GATAD2A: variants seen among roughly 807,000 people sequenced by gnomAD.
The protein encoded by GATAD2A is GATA zinc finger domain containing 2A.
Under a neutral mutation model 68.5 loss-of-function variants are expected in GATAD2A, and 12 were observed. The ratio of observed to expected loss-of-function variants is 0.18; its 90% CI spans 0.11 to 0.28. The LOEUF (loss-of-function observed/expected upper bound fraction) is 0.28. Among genes scored for constraint, GATAD2A ranks in the 10% least tolerant of loss-of-function variants. The probability of loss-of-function intolerance (pLI) is 1.00; values close to 1 mark genes in which losing one functional copy is unlikely to be tolerated. For missense variants in GATAD2A, 755 were observed against 868.5 expected (o/e 0.87, Z 1.64); for synonymous variants, 410 against 375.3 (o/e 1.09, Z -1.07).
intron 2 of GATAD2A, among the ~76,000 whole-genome samples, chr19:19,481,030 A>AGCT (rs2059021376): frequency 6.6e-6 from 1 of 152,234 alleles, no homozygotes; most frequent in South Asian, 2.1e-4. Context: ...TTGGCGAGGA[A>AGCT]GCTGGCATCT....
intron 1 of GATAD2A, among the ~76,000 whole-genome samples, chr19:19,450,378 C>T (rs1245634509): frequency 6.6e-6 from 1 of 152,182 alleles, no homozygotes; most frequent in Non-Finnish European, 1.5e-5. Context: ...ATAGCGTCTT[C>T]CTGGAAGTGC....
At chr19:19,498,353 A>G in intron 7 of GATAD2A, 90 bp from the exon 8 acceptor site, 4 of 1,185,998 alleles carry the variant, frequency 3.4e-6, no homozygotes, top group Non-Finnish European at 1.2e-6. Context: ...TGGTTAGTGC[A>G]GTTGACAGGA....
intron 2 of GATAD2A, among the ~76,000 whole-genome samples, chr19:19,476,803 G>C (rs1301042439): frequency 6.6e-6 from 1 of 152,190 alleles, no homozygotes; most frequent in African/African-American, 2.4e-5. Flanking sequence ...ACACCCAGGG[G>C]GGCAGTGTTT....
chr19:19,489,357 A>AC, intron 2 of GATAD2A, among the ~76,000 whole-genome samples: 1 of 152,326 alleles, frequency 6.6e-6, no homozygotes, highest in South Asian at 2.1e-4. Context: ...CGTGTCACAA[A>AC]CCGGTTGGAA....
At chr19:19,453,226 G>A (rs992324414) in intron 1 of GATAD2A, among the ~76,000 whole-genome samples, 3 of 152,090 alleles carry the variant, frequency 2.0e-5, no homozygotes, top group African/African-American at 7.2e-5. Flanking sequence ...TGTGATTCTC[G>A]GGCACCTGTG....
In GATAD2A at chr19:19,506,324, C is replaced by T. The variant is rs760501719; in HGVS notation, c.*850C>T. ...CCCATTAAGGGAGAAGGAGAGGATC[C>T]GGTCGGCAGCAGCCCTGAGCAGAAA... On this transcript the variant is annotated 3_prime_UTR_variant, in exon 12 of 12. Coordinates refer to ENST00000683918, the MANE Select transcript of GATAD2A (RefSeq NM_001384528.1). 7 of 397,496 alleles carry T rather than the reference C, an allele frequency of 1.8e-5. No individual in the cohort carries two copies. The highest frequency in any genetic ancestry group is 1.4e-4 in the South Asian group (1 of 7,022). The allele number at this position is 397,496 out of a possible 1,614,324, so 24.6% of individuals were successfully genotyped here. A position where few individuals can be genotyped will look rare whatever the true frequency, so the allele number is the denominator to read the frequency against.
upstream of GATAD2A, among the ~76,000 whole-genome samples, chr19:19,400,887 C>A (rs901618133): frequency 2.6e-5 from 4 of 152,034 alleles, no homozygotes; most frequent in African/African-American, 9.7e-5. Context: ...GTGGCTCCTG[C>A]CTGTAATCCC....
chr19:19,456,766 C>T (rs2056976836), intron 1 of GATAD2A, among the ~76,000 whole-genome samples: 1 of 152,150 alleles, frequency 6.6e-6, no homozygotes, highest in African/African-American at 2.4e-5. Context: ...AGGTCAAGCC[C>T]AAATTGTACA....
intron 1 of GATAD2A, among the ~76,000 whole-genome samples, chr19:19,448,376 A>G (rs992065906): frequency 6.6e-6 from 1 of 152,262 alleles, no homozygotes; most frequent in African/African-American, 2.4e-5. Flanking sequence ...GGCCACTTCA[A>G]GCACGGCCTC....
chr19:19,396,720 C>CT (rs1338012925), intron 1 of GATAD2A, among the ~76,000 whole-genome samples: 2 of 151,774 alleles, frequency 1.3e-5, no homozygotes, highest in South Asian at 2.1e-4. Context: ...TTCTTTCTTT[C>CT]TTTTTTTTGA....
chr19:19,461,737 C>T (rs555336616), intron 1 of GATAD2A, among the ~76,000 whole-genome samples: 1 of 152,366 alleles, frequency 6.6e-6, no homozygotes, highest in South Asian at 2.1e-4. Context: ...GCCCACTCAG[C>T]CTTGCTGGTG....
At chr19:19,432,366 A>G (rs763997703) in intron 1 of GATAD2A, among the ~76,000 whole-genome samples, 46 of 152,200 alleles carry the variant, frequency 3.0e-4, no homozygotes, top group Middle Eastern at 3.4e-3. Context: ...CAGTGGCTCA[A>G]TTTCAGCTCA....
chr19:19,493,866 C>T (rs2059972201), intron 4 of GATAD2A, among the ~76,000 whole-genome samples: 1 of 152,020 alleles, frequency 6.6e-6, no homozygotes, highest in Non-Finnish European at 1.5e-5. Context: ...CTGTCACTGG[C>T]CCTTCTCTAC....
Position 19,465,535 on chromosome 19 carries a change from A to G in GATAD2A, c.190A>G (p.Thr64Ala). ...AGPTQGLLRA[T>A]EATAMAMGRG... ...TCCAACCCAAGGATTGCTGAGGGCA[A>G]CAGAGGCCACGGCCATGGCCATGGG... The change falls in exon 2 of 12, where the codon ACA becomes GCA. Residue 64 changes from threonine (T) to alanine (A), a missense_variant. Thr to Ala is a moderately conservative substitution (Grantham distance 58). Coordinates refer to ENST00000683918, the MANE Select transcript of GATAD2A (RefSeq NM_001384528.1). 5.6e-6 allele frequency: 9 copies of G among 1,613,966 alleles called. No homozygotes were observed. Among genetic ancestry groups the G allele is most frequent in the Middle Eastern group, 3.3e-4 (2 of 6,062 alleles).
rs1465409737 is a variant in GATAD2A, at chr19:19,480,587, A to G, written c.270-11719A>G. On this transcript the variant is annotated intron_variant, in intron 2 of 11. Transcript: ENST00000683918. ...TTCCTGTCGTACTTTGTCATGGGAT[A>G]CCACAGAGACACTACTCAGAGGTTG... Among the ~76,000 whole-genome samples, 11 of 152,296 alleles carry G rather than the reference A, an allele frequency of 7.2e-5. No individual in the cohort carries two copies. In the East Asian group the frequency reaches 1.2e-3, roughly 16 times the overall value.
At chr19:19,432,665 G>T (rs540496589) in intron 1 of GATAD2A, among the ~76,000 whole-genome samples, 39 of 152,346 alleles carry the variant, frequency 2.6e-4, no homozygotes, top group Admixed American at 7.2e-4. Flanking sequence ...ATTGATAGAT[G>T]AAATGACAGA....
upstream of GATAD2A, among the ~76,000 whole-genome samples, chr19:19,401,076 G>A (rs113920263): frequency 0.05 from 7,295 of 146,138 alleles, 255 homozygotes; most frequent in East Asian, 0.13. Flanking sequence ...GAAGGTGGAG[G>A]TTGGAGTGAG....
chr19:19,469,879 G>A (rs776576896), intron 2 of GATAD2A, among the ~76,000 whole-genome samples: 13 of 151,934 alleles, frequency 8.6e-5, no homozygotes, highest in Non-Finnish European at 1.5e-4. Flanking sequence ...TCCGTGAAGC[G>A]GAGGTTGCAG....
At chr19:19,494,530 C>G (rs2060015976) in intron 5 of GATAD2A, 147 bp downstream of exon 5, 1 of 584,458 alleles carries the variant, frequency 1.7e-6, no homozygotes, top group Admixed American at 3.0e-5. Flanking sequence ...GGCCCTCCAG[C>G]CCACAGCCTA....
Sources: gnomAD v4.1 joint callset for allele counts (sites outside exome capture counted in the v4.1 genomes callset) on GRCh38, gnomAD v4.1.1 for gene constraint, MANE v1.5 for transcripts, NCBI Gene and HGNC (gene_info 2026-07-23, HGNC 2026-07-21) for gene names.